The following TNR variants were observed in gnomAD, a reference collection of about 807,000 sequenced individuals.
TNR encodes the protein tenascin R.
In TNR, 45 loss-of-function variants were observed where a neutral mutation model predicts 150.4. The ratio of observed to expected loss-of-function variants is 0.30; its 90% CI spans 0.24 to 0.38. The LOEUF (loss-of-function observed/expected upper bound fraction) is 0.38. TNR is among the 10% of genes least tolerant of loss of function. TNR has a pLI of 1.00. For synonymous variants in TNR, 687 were observed against 678.4 expected (o/e 1.01, Z -0.20); for missense variants, 1,544 against 1,759.1 (o/e 0.88, Z 2.19).
Position 175,318,213 on chromosome 1 carries a change from G to C in TNR, c.*5144C>G, listed in dbSNP as rs529644892. 2.0e-5 allele frequency: 3 copies of C among 152,358 alleles called. No individual in the cohort carries two copies. Among genetic ancestry groups the C allele is most frequent in the African/African-American group, 7.2e-5 (3 of 41,584 alleles). 9.4% of individuals were successfully genotyped at this position (152,358 alleles called of 1,614,324 possible). ...CTGGTGGGAGGCTGGAGGCCAGAAC[G>C]TGAGAAGCCAATGCTGCTTCCTCTC... is the stretch of plus-strand genomic sequence containing the variant. On this transcript the variant is annotated 3_prime_UTR_variant, in exon 23 of 23. Coordinates refer to ENST00000367674, the MANE Select transcript of TNR (RefSeq NM_003285.3).
chr1:175,384,488 A>AT (rs1652837157), intron 8 of TNR, among the ~76,000 whole-genome samples: 1 of 152,288 alleles, frequency 6.6e-6, no homozygotes, highest in South Asian at 2.1e-4. Flanking sequence ...CTAAAAGAGT[A>AT]TTTTTCAGAA....
chr1:175,411,552 C>G lies in TNR; in HGVS notation c.-63-4775G>C, dbSNP rs143783444. ...CCCTAGGTCTCTGAGAGAGAATCTG[C>G]CCCATGCCCCTCTCCCAGCTGCTGG... On this transcript the variant is annotated intron_variant, in intron 2 of 22. Coordinates refer to ENST00000367674, the MANE Select transcript of TNR (RefSeq NM_003285.3). Among the ~76,000 whole-genome samples, 236 of 151,840 alleles carry G rather than the reference C, an allele frequency of 1.6e-3. 1 individual carries two copies. The highest frequency in any genetic ancestry group is 2.9e-3 in the Non-Finnish European group (196 of 67,966).
chr1:175,651,418 T>A (rs1394658298), intron 1 of TNR, among the ~76,000 whole-genome samples: 2 of 151,876 alleles, frequency 1.3e-5, no homozygotes, highest in African/African-American at 4.8e-5. Context: ...GCATAAAGGT[T>A]TTTTGCCCTA....
chr1:175,371,450 A>T (rs1255983138), intron 9 of TNR, among the ~76,000 whole-genome samples: 2 of 152,220 alleles, frequency 1.3e-5, no homozygotes. Flanking sequence ...TGTGAGCTGA[A>T]CAAGACATTA....
chr1:175,571,789 T>G (rs1661881732), intron 1 of TNR, among the ~76,000 whole-genome samples: 2 of 152,198 alleles, frequency 1.3e-5, no homozygotes, highest in African/African-American at 4.8e-5. Context: ...TGAAATCTAA[T>G]GTCAATGCCA....
At chr1:175,431,228 C>A (rs181160515) in intron 2 of TNR, among the ~76,000 whole-genome samples, 1 of 152,274 alleles carries the variant, frequency 6.6e-6, no homozygotes, top group African/African-American at 2.4e-5. Context: ...AAAATCCGAA[C>A]CTGAATCCTT....
intron 9 of TNR, among the ~76,000 whole-genome samples, chr1:175,373,748 G>A (rs1571352990): frequency 1.3e-5 from 2 of 151,928 alleles, no homozygotes; most frequent in African/African-American, 2.4e-5. Flanking sequence ...CCCTGCTGAG[G>A]AGTGGAAGCT....
At chr1:175,583,952 C>T (rs1235253679) in intron 1 of TNR, among the ~76,000 whole-genome samples, 2 of 152,162 alleles carry the variant, frequency 1.3e-5, no homozygotes, top group Non-Finnish European at 2.9e-5. Flanking sequence ...CACAGGGAAG[C>T]CAAGGAGTGT....
At chr1:175,574,851 T>C (rs1341109303) in intron 1 of TNR, among the ~76,000 whole-genome samples, 1 of 152,214 alleles carries the variant, frequency 6.6e-6, no homozygotes, top group East Asian at 1.9e-4. Flanking sequence ...AGCTCCGTTC[T>C]GCATGAAGAT....
At chr1:175,725,428 G>A (rs1048759213) in intron 1 of TNR, among the ~76,000 whole-genome samples, 7 of 152,048 alleles carry the variant, frequency 4.6e-5, no homozygotes, top group African/African-American at 1.5e-4. Flanking sequence ...GGCAACATCA[G>A]GGGTCTCAAC....
chr1:175,708,886 C>G (rs534365719), intron 1 of TNR, among the ~76,000 whole-genome samples: 1 of 152,162 alleles, frequency 6.6e-6, no homozygotes, highest in African/African-American at 2.4e-5. Flanking sequence ...TATCGTCAAG[C>G]ACTATGAGCC....
chr1:175,573,040 T>C lies in TNR; in HGVS notation c.-164-44671A>G, dbSNP rs73048387. On this transcript the variant is annotated intron_variant, in intron 1 of 22. Transcript: ENST00000367674. Reference sequence around the variant, plus strand: ...TCTTGCGATTCATCCTGAAGCTAAATGCATTATATATCATCTTGTTTGCAT... The same window carrying C: ...TCTTGCGATTCATCCTGAAGCTAAACGCATTATATATCATCTTGTTTGCAT... Among the ~76,000 whole-genome samples, 1,336 of 152,308 alleles carry C rather than the reference T, an allele frequency of 8.8e-3. 17 individuals carry two copies. Among genetic ancestry groups the C allele is most frequent in the African/African-American group, 0.031 (1,275 of 41,560 alleles).
intron 1 of TNR, among the ~76,000 whole-genome samples, chr1:175,742,676 C>T (rs1667964869): frequency 6.6e-6 from 1 of 152,144 alleles, no homozygotes; most frequent in African/African-American, 2.4e-5. Context: ...GGGCTCTCTC[C>T]ACAGCAAGAG....
At chr1:175,486,752 C>T (rs1658033801) in intron 2 of TNR, among the ~76,000 whole-genome samples, 2 of 152,190 alleles carry the variant, frequency 1.3e-5, no homozygotes, top group South Asian at 2.1e-4. Context: ...AGTGTAAAAG[C>T]TTTCCTATTT....
Position 175,409,832 on chromosome 1 carries a change from A to G in TNR, c.-63-3055T>C, listed in dbSNP as rs527608304. On this transcript the variant is annotated intron_variant, in intron 2 of 22. Coordinates refer to ENST00000367674, the MANE Select transcript of TNR (RefSeq NM_003285.3). Reference sequence around the variant, plus strand: ...CTATTATATGCTGGTCTTTTTCTTTATAGAAGTTGCATTCAAGTGTGTGTG... The same window carrying G: ...CTATTATATGCTGGTCTTTTTCTTTGTAGAAGTTGCATTCAAGTGTGTGTG... Among the ~76,000 whole-genome samples the G allele has an allele frequency of 1.1e-4, 16 of 141,436 alleles. No individual in the cohort carries two copies. The South Asian group carries it at 4.0e-3, about 35-fold the overall frequency. The allele number at this position is 141,436 out of a possible 152,430, so 92.8% of individuals were successfully genotyped here.
chr1:175,623,919 C>T (rs961310434), intron 1 of TNR, among the ~76,000 whole-genome samples: 1 of 152,250 alleles, frequency 6.6e-6, no homozygotes, highest in Non-Finnish European at 1.5e-5. Context: ...AGTCAAGGGG[C>T]TGTTTCCTCT....
In TNR at chr1:175,335,732, C is replaced by T. The variant is rs369471259; in HGVS notation, c.3610G>A (p.Val1204Met). Residue 1204 changes from valine (V) to methionine (M), a missense_variant, in exon 20 of 23, where the codon GTG (valine) becomes ATG (methionine). Around this residue, in one of 2 missense-constraint regions of TNR, gnomAD observed 290 missense variants for 429.7 expected, o/e 0.67. Transcript: ENST00000367674. ...WADYRVGFGN[V>M]EDEFWLGLDN... The stretch of plus-strand genomic sequence containing the variant: ...TTACCCAGCCAGAACTCATCCTCCA[C>T]GTTCCCGAAGCCAACACGGTAATCA... The T allele has an allele frequency of 6.4e-5, 103 of 1,614,086 alleles. 1 individual carries two copies. In the South Asian group the frequency reaches 6.9e-4, roughly 11 times the overall value.
intron 2 of TNR, among the ~76,000 whole-genome samples, chr1:175,454,522 G>A (rs888779910): frequency 6.6e-6 from 1 of 152,164 alleles, no homozygotes; most frequent in Non-Finnish European, 1.5e-5. Flanking sequence ...CCAGGCTGGA[G>A]TGCAATGGCG....
intron 2 of TNR, among the ~76,000 whole-genome samples, chr1:175,497,978 T>G (rs1222470947): frequency 6.6e-6 from 1 of 152,100 alleles, no homozygotes; most frequent in Non-Finnish European, 1.5e-5. Flanking sequence ...GAGGATCGCT[T>G]GAACTCAGGA....
Sources: gnomAD v4.1 joint callset for allele counts (sites outside exome capture counted in the v4.1 genomes callset) on GRCh38, gnomAD v4.1.1 for gene constraint, gnomAD v4.1.1 regional missense constraint, MANE v1.5 for transcripts, NCBI Gene and HGNC (gene_info 2026-07-23, HGNC 2026-07-21) for gene names.